CDC42: variants seen among roughly 807,000 people sequenced by gnomAD.
CDC42 encodes the protein cell division control protein 42 homolog.
Under a neutral mutation model 20.8 loss-of-function variants are expected in CDC42, and 1 was observed. The ratio of observed to expected loss-of-function variants is 0.05; its 90% CI spans 0.02 to 0.23. The LOEUF is 0.23. Among genes scored for constraint, CDC42 ranks in the 10% least tolerant of loss-of-function variants. The pLI is 1.00. For synonymous variants in CDC42, 72 were observed against 84.8 expected, an observed-to-expected ratio of 0.85 and a Z score of 0.83; for missense variants, 49 against 227.9, an observed-to-expected ratio of 0.21 and a Z score of 5.05.
intron 1 of CDC42, among the ~76,000 whole-genome samples, chr1:22,062,927 A>G (rs1042663512): frequency 2.6e-5 from 4 of 152,032 alleles, no homozygotes; most frequent in African/African-American, 9.6e-5. Flanking sequence ...CCTCCATTTC[A>G]ATCTTAGATT....
chr1:22,070,627 C>G (rs1645476972), intron 1 of CDC42, among the ~76,000 whole-genome samples: 1 of 151,942 alleles, frequency 6.6e-6, no homozygotes. Context: ...CCACGCCCAG[C>G]TGATTTTTTT....
chr1:22,081,575 T>G, intron 2 of CDC42, 147 bp from the exon 3 acceptor site: 2 of 592,914 alleles, frequency 3.4e-6, no homozygotes, highest in South Asian at 4.0e-5. Context: ...CAAGGACTGG[T>G]TGGCAAGATT....
intron 1 of CDC42, among the ~76,000 whole-genome samples, chr1:22,070,261 G>T (rs1645470695): frequency 6.6e-6 from 1 of 152,084 alleles, no homozygotes; most frequent in Non-Finnish European, 1.5e-5. Flanking sequence ...TCTGCTAGCT[G>T]TAATAAATAA....
intron 1 of CDC42, among the ~76,000 whole-genome samples, chr1:22,061,963 G>T (rs1246811664): frequency 6.6e-6 from 1 of 151,520 alleles, no homozygotes; most frequent in African/African-American, 2.4e-5. Context: ...TTGGAGAACG[G>T]ATTCTTACTC....
chr1:22,083,605 T>TA (rs533711135), intron 3 of CDC42, among the ~76,000 whole-genome samples: 1,587 of 145,704 alleles, frequency 0.011, 20 homozygotes, highest in African/African-American at 0.028. Context: ...ACTCCGTCTT[T>TA]AAAAAAAAAA....
chr1:22,090,849 A>G lies in CDC42; in HGVS notation c.487-579A>G, dbSNP rs1267885230. Reference sequence around the variant, plus strand: ...ATTCCTGTTGCACTGACTGGCTCTAATTTTACGTATGTATCAGGTACCCAC... The same window carrying G: ...ATTCCTGTTGCACTGACTGGCTCTAGTTTTACGTATGTATCAGGTACCCAC... On this transcript the variant is annotated intron_variant, in intron 5 of 5. Transcript: ENST00000656825. 3 of 971,696 alleles carry G rather than the reference A, an allele frequency of 3.1e-6. No homozygotes were observed. In the African/African-American group the frequency reaches 5.3e-5, roughly 17 times the overall value. The allele number at this position is 971,696 out of a possible 1,614,324, so 60.2% of individuals were successfully genotyped here.
intron 1 of CDC42, among the ~76,000 whole-genome samples, chr1:22,054,307 C>T (rs890468143): frequency 6.6e-6 from 1 of 152,076 alleles, no homozygotes; most frequent in African/African-American, 2.4e-5. Flanking sequence ...CCTCCGCCTC[C>T]CGGGGTCAAG....
rs201335852 is a variant in CDC42 at position 22,067,592 on chromosome 1, G to A, written c.-50-10837G>A. ...ACGCCTGACCTCAGATGATCCGCCT[G>A]CCTCGGCCTCTCAATGTGCTGGGTT... On this transcript the variant is annotated intron_variant, in intron 1 of 5. Transcript: ENST00000656825. Among the ~76,000 whole-genome samples the A allele has an allele frequency of 7.9e-5, 12 of 152,322 alleles. No individual in the cohort carries two copies. The East Asian group carries it at 1.5e-3, about 20-fold the overall frequency.
intron 2 of CDC42, chr1:22,078,884 G>T: frequency 4.6e-6 from 5 of 1,096,428 alleles, no homozygotes; most frequent in Admixed American, 5.4e-5. Flanking sequence ...GGAATGAGGT[G>T]ACTTTTTTTT....
chr1:22,068,021 G>A (rs952482234), intron 1 of CDC42, among the ~76,000 whole-genome samples: 6 of 152,086 alleles, frequency 3.9e-5, no homozygotes, highest in African/African-American at 4.8e-5. Flanking sequence ...GGTTGACGCT[G>A]CAGTGAGCTG....
At chr1:22,056,686 G>A (rs1645307822) in intron 1 of CDC42, among the ~76,000 whole-genome samples, 1 of 152,188 alleles carries the variant, frequency 6.6e-6, no homozygotes, top group Admixed American at 6.5e-5. Flanking sequence ...CTGGGACATT[G>A]ATCTCAAACT....
intron 5 of CDC42, among the ~76,000 whole-genome samples, 162 bp from the exon 6 acceptor site, chr1:22,091,266 G>A (rs1304234033): frequency 6.6e-6 from 1 of 152,134 alleles, no homozygotes; most frequent in Non-Finnish European, 1.5e-5. Flanking sequence ...CCAGTGCCCT[G>A]GACAAATCTT....
intron 1 of CDC42, among the ~76,000 whole-genome samples, chr1:22,054,694 G>T (rs1344702468): frequency 6.6e-6 from 1 of 151,802 alleles, no homozygotes; most frequent in East Asian, 1.9e-4. Flanking sequence ...TTTCTGTAGT[G>T]TGTAGGCATT....
chr1:22,069,880 C>T (rs972773911), intron 1 of CDC42, among the ~76,000 whole-genome samples: 3 of 151,900 alleles, frequency 2.0e-5, no homozygotes, highest in Non-Finnish European at 4.4e-5. Context: ...TTGCAACCTC[C>T]GTCTCCTGGG....
In CDC42 at chr1:22,053,586, G is replaced by C. The variant is rs552496224; in HGVS notation, c.-51+844G>C. ...TATCGGGGGGGAATTTTCTTTGTTC[G>C]TTTGTTTTTCCTCCCCTTTAAGTCC... On this transcript the variant is annotated intron_variant, in intron 1 of 5. Transcript: ENST00000656825. 2.0e-5 allele frequency among the ~76,000 whole-genome samples: 3 copies of C among 152,212 alleles called. No individual in the cohort carries two copies. In the South Asian group the frequency reaches 6.2e-4, roughly 32 times the overall value.
chr1:22,064,794 A>G (rs1468764382), intron 1 of CDC42, among the ~76,000 whole-genome samples: 1 of 151,740 alleles, frequency 6.6e-6, no homozygotes, highest in East Asian at 1.9e-4. Flanking sequence ...CTCTGGCTTC[A>G]GCCTCCTGAG....
rs139035560 is a variant in CDC42, at chr1:22,091,767, CA to C, written c.*260del. On this transcript the variant is annotated 3_prime_UTR_variant, in exon 6 of 6. Transcript: ENST00000656825. The stretch of plus-strand genomic sequence containing the variant: ...TTAGTACTATTTTTTTTTGTTGTTT[CA>C]AAAAAAAAATTTTTGTGTGTGTGTG... 4.7e-4 allele frequency: 44 copies of C among 93,316 alleles called. No individual in the cohort carries two copies. The highest frequency in any genetic ancestry group is 1.4e-3 in the South Asian group (4 of 2,798). The allele number at this position is 93,316 out of a possible 1,614,324, so 5.8% of individuals were successfully genotyped here. A position where few individuals can be genotyped will look rare whatever the true frequency, so the allele number is the denominator to read the frequency against.
intron 1 of CDC42, among the ~76,000 whole-genome samples, chr1:22,054,696 G>A (rs1645275942): frequency 6.6e-6 from 1 of 151,728 alleles, no homozygotes; most frequent in South Asian, 2.1e-4. Flanking sequence ...TCTGTAGTGT[G>A]TAGGCATTAC....
rs1036481151 is a variant in CDC42 at position 22,078,368 on chromosome 1, A to G, written c.-50-61A>G. The G allele has an allele frequency of 6.7e-6, 5 of 751,118 alleles. No individual in the cohort carries two copies. The African/African-American group carries it at 7.1e-5, about 11-fold the overall frequency. The allele number at this position is 751,118 out of a possible 1,614,324, so 46.5% of individuals were successfully genotyped here. On this transcript the variant is annotated intron_variant, in intron 1 of 5. Coordinates refer to ENST00000656825, the MANE Select transcript of CDC42 (RefSeq NM_001791.4). ...CTCTGAGTGCCTGAACCTGTTGCTA[A>G]GTGAGGAAGAAAAATCCATATGTAA... is the stretch of plus-strand genomic sequence containing the variant.
Sources: gnomAD v4.1 joint callset for allele counts (sites outside exome capture counted in the v4.1 genomes callset) on GRCh38, gnomAD v4.1.1 for gene constraint, MANE v1.5 for transcripts, NCBI Gene and HGNC (gene_info 2026-07-23, HGNC 2026-07-21) for gene names.